NPAS3: variants seen among roughly 807,000 people sequenced by gnomAD.
NPAS3 encodes the protein neuronal PAS domain-containing protein 3.
In NPAS3, 14 loss-of-function variants were observed where a neutral mutation model predicts 73.1. The observed-to-expected ratio is 0.19, with a 90% CI of 0.13 to 0.30. The LOEUF (loss-of-function observed/expected upper bound fraction) is 0.30, where lower values mean the gene tolerates loss of function less well. Among genes scored for constraint, NPAS3 ranks in the 10% least tolerant of loss-of-function variants. The probability of loss-of-function intolerance (pLI) is 1.00; values close to 1 mark genes in which losing one functional copy is unlikely to be tolerated. For missense variants in NPAS3, 1,096 were observed against 1,250.0 expected, an observed-to-expected ratio of 0.88 and a Z score of 1.86; for synonymous variants, 620 against 541.5, an observed-to-expected ratio of 1.14 and a Z score of -2.01.
intron 3 of NPAS3, among the ~76,000 whole-genome samples, chr14:33,233,918 G>T (rs990217450): frequency 6.6e-6 from 1 of 152,040 alleles, no homozygotes; most frequent in African/African-American, 2.4e-5. Context: ...ATCCTATTCA[G>T]ACTGTCTAAT....
rs192033858 is a variant in NPAS3, at chr14:33,253,066, A to G, written c.385+37640A>G. ...TCGTTCCATGACTTTGCTATTGGGA[A>G]TAGTGCTGCGATGAACATAAGTGGA... On this transcript the variant is annotated intron_variant, in intron 3 of 11. Coordinates refer to ENST00000356141, the Ensembl canonical transcript of NPAS3. Among the ~76,000 whole-genome samples the G allele has an allele frequency of 2.0e-3, 302 of 152,196 alleles. 2 individuals carry two copies. Among genetic ancestry groups the G allele is most frequent in the Middle Eastern group, 3.4e-3 (1 of 294 alleles).
intron 3 of NPAS3, among the ~76,000 whole-genome samples, chr14:33,334,628 A>T (rs185226654): frequency 1.2e-4 from 18 of 152,288 alleles, no homozygotes; most frequent in Non-Finnish European, 2.4e-4. Flanking sequence ...GTCTGATTCG[A>T]GTCAAAGATG....
chr14:33,245,693 T>G (rs2048350573), intron 3 of NPAS3, among the ~76,000 whole-genome samples: 1 of 152,186 alleles, frequency 6.6e-6, no homozygotes, highest in South Asian at 2.1e-4. Context: ...CCAAACCAGA[T>G]TTAACATTTC....
Position 33,659,974 on chromosome 14 carries a change from C to T in NPAS3, c.559-16237C>T, listed in dbSNP as rs549704026. Among the ~76,000 whole-genome samples the T allele has an allele frequency of 1.9e-3, 282 of 152,190 alleles. 3 individuals carry two copies. Among genetic ancestry groups the T allele is most frequent in the Middle Eastern group, 3.4e-3 (1 of 294 alleles). On this transcript the variant is annotated intron_variant, in intron 5 of 11. Coordinates refer to ENST00000356141, the Ensembl canonical transcript of NPAS3. ...CATGAAGAATATGTAATCACCCCAG[C>T]GCCCCCCAGGACCACTCTCCTGAGG... is the stretch of plus-strand genomic sequence containing the variant.
intron 1 of NPAS3, among the ~76,000 whole-genome samples, chr14:32,951,621 G>C (rs1269076846): frequency 1.3e-5 from 2 of 152,072 alleles, no homozygotes; most frequent in Non-Finnish European, 2.9e-5. Context: ...ATTCAATTGA[G>C]ACAGTAGAAG....
At chr14:33,665,380 C>A (rs775247096) in intron 5 of NPAS3, among the ~76,000 whole-genome samples, 13 of 152,010 alleles carry the variant, frequency 8.6e-5, no homozygotes, top group Non-Finnish European at 1.8e-4. Context: ...ACCACCATGG[C>A]GCGTGTATAC....
At position 33,719,754 on chromosome 14, in the gene NPAS3, A is replaced by G. The variant is rs535944951; in HGVS notation, c.734-15460A>G. ...ACTAGTCTCAAACTCACACTGAGCT[A>G]GTGACATTAGGGAAGTGAACCGTCA... On this transcript the variant is annotated intron_variant, in intron 6 of 11. Transcript: ENST00000356141. 1.6e-4 allele frequency among the ~76,000 whole-genome samples: 25 copies of G among 152,250 alleles called. 1 individual carries two copies. The East Asian group carries it at 4.6e-3, about 28-fold the overall frequency.
chr14:32,950,952 A>G (rs2036460528), intron 1 of NPAS3, among the ~76,000 whole-genome samples: 1 of 152,136 alleles, frequency 6.6e-6, no homozygotes, highest in East Asian at 1.9e-4. Context: ...ATGGGCAGGC[A>G]AAAAGCAAGA....
chr14:33,200,346 T>C (rs1262867397), intron 2 of NPAS3, among the ~76,000 whole-genome samples: 2 of 152,132 alleles, frequency 1.3e-5, no homozygotes, highest in African/African-American at 4.8e-5. Context: ...ATAGTAAATT[T>C]ATAAAACAGA....
intron 2 of NPAS3, among the ~76,000 whole-genome samples, chr14:33,100,681 T>C (rs2138883485): frequency 6.6e-6 from 1 of 152,264 alleles, no homozygotes; most frequent in East Asian, 1.9e-4. Context: ...TTAGTGAAAG[T>C]TCTGGAACAT....
intron 1 of NPAS3, among the ~76,000 whole-genome samples, chr14:33,015,485 A>G (rs1445298799): frequency 1.3e-5 from 2 of 152,232 alleles, no homozygotes; most frequent in Admixed American, 6.5e-5. Flanking sequence ...TGCTGAGTAT[A>G]AAGTAGAGGT....
intron 4 of NPAS3, among the ~76,000 whole-genome samples, chr14:33,558,517 C>T (rs1219856153): frequency 6.6e-6 from 1 of 152,066 alleles, no homozygotes; most frequent in Non-Finnish European, 1.5e-5. Context: ...ACCTTGGCTT[C>T]CCAAAGTGCT....
chr14:33,535,735 T>C (rs987319780), intron 4 of NPAS3, among the ~76,000 whole-genome samples: 3 of 152,228 alleles, frequency 2.0e-5, no homozygotes, highest in Non-Finnish European at 4.4e-5. Context: ...CTCTTAAAAT[T>C]TCTTAAGCCA....
chr14:33,182,689 T>C (rs7144454), intron 2 of NPAS3, among the ~76,000 whole-genome samples: 98,617 of 152,006 alleles, frequency 0.65, 34,370 homozygotes, highest in Non-Finnish European at 0.78. Context: ...AACCTGTGAT[T>C]GTCCACATGG....
At chr14:33,226,645 C>T (rs1157271754) in intron 3 of NPAS3, among the ~76,000 whole-genome samples, 1 of 152,188 alleles carries the variant, frequency 6.6e-6, no homozygotes, top group Non-Finnish European at 1.5e-5. Context: ...CTCCTGTGGT[C>T]TTCTGCTGTT....
intron 6 of NPAS3, among the ~76,000 whole-genome samples, chr14:33,689,155 A>G (rs1166999745): frequency 6.6e-6 from 1 of 152,224 alleles, no homozygotes; most frequent in Admixed American, 6.5e-5. Context: ...TGACTCTGTC[A>G]CTTACTATAT....
chr14:33,725,454 C>T (rs2061238505), intron 6 of NPAS3, among the ~76,000 whole-genome samples: 1 of 152,040 alleles, frequency 6.6e-6, no homozygotes, highest in South Asian at 2.1e-4. Context: ...TGAGTGATAA[C>T]ATTATGGGGA....
At chr14:33,196,746 A>C (rs1387056932) in intron 2 of NPAS3, among the ~76,000 whole-genome samples, 1 of 152,204 alleles carries the variant, frequency 6.6e-6, no homozygotes, top group African/African-American at 2.4e-5. Flanking sequence ...ACCCAACTTG[A>C]TTTTACATGT....
chr14:32,949,549 T>G (rs1218610638), intron 1 of NPAS3, among the ~76,000 whole-genome samples: 2 of 152,012 alleles, frequency 1.3e-5, no homozygotes, highest in Non-Finnish European at 2.9e-5. Flanking sequence ...TCTTCAGAGA[T>G]AACCAAATAA....
Sources: allele counts gnomAD v4.1 joint callset (sites outside exome capture counted in the v4.1 genomes callset), GRCh38; gene constraint gnomAD v4.1.1; transcripts MANE v1.5; gene names NCBI Gene and HGNC (gene_info 2026-07-23, HGNC 2026-07-21).